Variants in GALNT13 observed in about 807,000 individuals in gnomAD.
The protein encoded by GALNT13 is UDP-GalNAc:polypeptide N-acetylgalactosaminyltransferase 13.
A neutral mutation model predicts 64.2 loss-of-function variants in GALNT13; 28 were observed. That is an observed-to-expected ratio of 0.44 (90% CI 0.32 to 0.60). The LOEUF is 0.60. Among genes scored for constraint, GALNT13 ranks in the 20% least tolerant of loss-of-function variants. The pLI is 0.05. For synonymous variants in GALNT13, 214 were observed against 224.6 expected (o/e 0.95, Z 0.42); for missense variants, 577 against 669.8 (o/e 0.86, Z 1.53).
At chr2:154,218,293 T>A (rs2105816382) in intron 4 of GALNT13, among the ~76,000 whole-genome samples, 1 of 152,202 alleles carries the variant, frequency 6.6e-6, no homozygotes. Flanking sequence ...TTGACAGAGA[T>A]GTGACAGTAA....
the GALNT13 span, among the ~76,000 whole-genome samples, chr2:153,534,723 GC>G: frequency 6.0e-3 from 906 of 151,798 alleles, 5 homozygotes; most frequent in Non-Finnish European, 9.8e-3. Flanking sequence ...CAGTGGGGGA[GC>G]TTTTTGAGCC....
the GALNT13 span, among the ~76,000 whole-genome samples, chr2:153,175,331 C>T: frequency 0.13 from 19,298 of 152,052 alleles, 1,467 homozygotes; most frequent in Non-Finnish European, 0.17. Context: ...GTTTATATGT[C>T]GCAGAGTGGG....
intron 4 of GALNT13, among the ~76,000 whole-genome samples, chr2:154,157,981 A>G (rs1472274661): frequency 6.6e-6 from 1 of 152,002 alleles, no homozygotes; most frequent in African/African-American, 2.4e-5. Context: ...CCTAACCCCA[A>G]GCGTAGATAT....
At chr2:153,219,036 A>T in the GALNT13 span, among the ~76,000 whole-genome samples, 2 of 152,244 alleles carry the variant, frequency 1.3e-5, no homozygotes, top group African/African-American at 4.8e-5. Flanking sequence ...CAATGTATAT[A>T]TATATGAAAC....
chr2:153,347,577 C>A, the GALNT13 span, among the ~76,000 whole-genome samples: 2 of 152,154 alleles, frequency 1.3e-5, no homozygotes, highest in East Asian at 3.9e-4. Flanking sequence ...AGGCATATAG[C>A]ACTTGAGTAC....
the GALNT13 span, among the ~76,000 whole-genome samples, chr2:153,244,351 T>C: frequency 6.6e-6 from 1 of 152,232 alleles, no homozygotes; most frequent in Non-Finnish European, 1.5e-5. Context: ...ATTGTGTTTC[T>C]GAAGAGGGGC....
At chr2:153,743,502 C>T in the GALNT13 span, among the ~76,000 whole-genome samples, 1 of 132,062 alleles carries the variant, frequency 7.6e-6, no homozygotes, top group African/African-American at 2.7e-5. Flanking sequence ...TTCAAGAGCA[C>T]TTTTCTTTGA....
chr2:153,866,446 T>C, the GALNT13 span, among the ~76,000 whole-genome samples: 1 of 152,334 alleles, frequency 6.6e-6, no homozygotes, highest in East Asian at 1.9e-4. Context: ...TGCTCTCATA[T>C]ATCCTACTAT....
intron 3 of GALNT13, among the ~76,000 whole-genome samples, chr2:153,992,771 G>T (rs993999738): frequency 6.6e-6 from 1 of 152,114 alleles, no homozygotes; most frequent in Non-Finnish European, 1.5e-5. Flanking sequence ...AAATAAAGTG[G>T]AACAAAAAAG....
At chr2:154,087,400 A>G (rs1201863490) in intron 3 of GALNT13, among the ~76,000 whole-genome samples, 1 of 152,078 alleles carries the variant, frequency 6.6e-6, no homozygotes, top group Admixed American at 6.6e-5. Context: ...TCTTGATTAT[A>G]CTGAAACATT....
At position 154,213,684 on chromosome 2, in the gene GALNT13, G is replaced by C. The variant is rs114572416; in HGVS notation, c.312-28346G>C. 5.2e-3 allele frequency among the ~76,000 whole-genome samples: 787 copies of C among 152,026 alleles called. 6 individuals are homozygous for C. Among genetic ancestry groups the C allele is most frequent in the Non-Finnish European group, 8.2e-3 (554 of 67,970 alleles). ...GATGTGTATATCACAAGAGGAGATG[G>C]TGGCTGAAACTAAAGCTTGGAAGCC... On this transcript the variant is annotated intron_variant, in intron 4 of 12. Coordinates refer to ENST00000392825, the MANE Select transcript of GALNT13 (RefSeq NM_052917.4).
chr2:154,039,169 A>G (rs1443811970), intron 3 of GALNT13, among the ~76,000 whole-genome samples: 2 of 152,158 alleles, frequency 1.3e-5, no homozygotes, highest in East Asian at 1.9e-4. Flanking sequence ...GGGAACATCA[A>G]TTAGTACAGC....
intron 3 of GALNT13, among the ~76,000 whole-genome samples, chr2:154,065,953 T>G (rs114324592): frequency 0.047 from 7,097 of 152,254 alleles, 213 homozygotes; most frequent in South Asian, 0.11. Flanking sequence ...TTAAAAGAGC[T>G]TTTTTGAGGA....
chr2:154,389,302 A>G (rs1372183106), intron 9 of GALNT13, among the ~76,000 whole-genome samples: 1 of 151,844 alleles, frequency 6.6e-6, no homozygotes, highest in African/African-American at 2.4e-5. Context: ...CTGGCCAGCT[A>G]ATTTTTTGGT....
chr2:153,592,237 G>C, the GALNT13 span, among the ~76,000 whole-genome samples: 73 of 152,228 alleles, frequency 4.8e-4, 1 homozygote, highest in Non-Finnish European at 6.6e-4. Context: ...TTGTTGGTAG[G>C]AATGTGAATT....
intron 8 of GALNT13, among the ~76,000 whole-genome samples, chr2:154,262,634 G>A (rs1432918912): frequency 6.6e-6 from 1 of 152,136 alleles, no homozygotes; most frequent in Non-Finnish European, 1.5e-5. Context: ...ACAGTGTTAT[G>A]TATCTGCTGG....
At chr2:153,675,839 CA>C in the GALNT13 span, among the ~76,000 whole-genome samples, 1 of 152,106 alleles carries the variant, frequency 6.6e-6, no homozygotes, top group East Asian at 1.9e-4. Context: ...TACAACTTAC[CA>C]AAATTTTTGG....
chr2:153,246,317 C>G, the GALNT13 span, among the ~76,000 whole-genome samples: 11 of 152,106 alleles, frequency 7.2e-5, no homozygotes, highest in African/African-American at 2.7e-4. Context: ...AGATAGTCCT[C>G]GAAGAGATCA....
At chr2:153,101,902 G>A in the GALNT13 span, among the ~76,000 whole-genome samples, 1 of 152,106 alleles carries the variant, frequency 6.6e-6, no homozygotes, top group Admixed American at 6.5e-5. Flanking sequence ...CTATTATTAG[G>A]AATTTGAATA....
Sources: allele counts gnomAD v4.1 joint callset (sites outside exome capture counted in the v4.1 genomes callset), GRCh38; gene constraint gnomAD v4.1.1; transcripts MANE v1.5; gene names NCBI Gene and HGNC (gene_info 2026-07-23, HGNC 2026-07-21).